The following LRMDA variants were observed in gnomAD, a reference collection of about 807,000 sequenced individuals.
LRMDA encodes the protein leucine rich melanocyte differentiation associated.
LRMDA carries 18 observed loss-of-function variants against 29.8 expected under a neutral mutation model. The ratio of observed to expected loss-of-function variants is 0.60; its 90% CI spans 0.42 to 0.90. The LOEUF (loss-of-function observed/expected upper bound fraction) is 0.90. LRMDA is among the 40% of genes least tolerant of loss of function. LRMDA has a pLI of 0.00. For missense variants in LRMDA, 273 were observed against 273.9 expected (o/e 1.00, Z 0.02); for synonymous variants, 125 against 109.4 (o/e 1.14, Z -0.89).
At chr10:75,636,845 CTT>C (rs879617653) in intron 2 of LRMDA, among the ~76,000 whole-genome samples, 5 of 145,190 alleles carry the variant, frequency 3.4e-5, no homozygotes, top group African/African-American at 1.3e-4. Flanking sequence ...TTGGCAAAGA[CTT>C]TTTTTTTTTT....
intron 2 of LRMDA, chr10:75,783,142 C>T (rs1843414577): frequency 8.2e-7 from 1 of 1,224,778 alleles, no homozygotes; most frequent in Non-Finnish European, 1.2e-6. Context: ...GATTGATCTG[C>T]ATAAATCATT....
intron 5 of LRMDA, among the ~76,000 whole-genome samples, chr10:76,311,282 C>A (rs1840626194): frequency 6.6e-6 from 1 of 152,144 alleles, no homozygotes; most frequent in Non-Finnish European, 1.5e-5. Context: ...TAGAAACTGA[C>A]ATAAAACAAA....
At chr10:76,378,848 C>CTT (rs1369705914) in intron 6 of LRMDA, among the ~76,000 whole-genome samples, 3 of 57,772 alleles carry the variant, frequency 5.2e-5, no homozygotes, top group Admixed American at 1.8e-4. Flanking sequence ...CTCTCTTTTT[C>CTT]TTTTTTTTTC....
intron 2 of LRMDA, among the ~76,000 whole-genome samples, chr10:75,686,956 A>G (rs886319002): frequency 1.6e-4 from 25 of 152,212 alleles, no homozygotes; most frequent in African/African-American, 5.3e-4. Flanking sequence ...TGATGTTCCC[A>G]TTATAATTGT....
chr10:75,486,926 G>A (rs1394295214), intron 2 of LRMDA, among the ~76,000 whole-genome samples: 3 of 152,212 alleles, frequency 2.0e-5, no homozygotes, highest in Non-Finnish European at 4.4e-5. Context: ...CACTTTTACT[G>A]GAGAGCTGAA....
intron 5 of LRMDA, among the ~76,000 whole-genome samples, chr10:76,062,730 T>G (rs758926524): frequency 8.6e-5 from 13 of 151,340 alleles, no homozygotes; most frequent in Non-Finnish European, 1.6e-4. Context: ...AGCTAGGCTT[T>G]GTCATTTCCA....
intron 2 of LRMDA, among the ~76,000 whole-genome samples, chr10:75,495,598 C>T (rs1054648899): frequency 2.6e-5 from 4 of 152,178 alleles, no homozygotes; most frequent in Admixed American, 6.5e-5. Context: ...TAGAAACTTC[C>T]CTCCCCTTCT....
chr10:76,079,875 T>A (rs954276629), intron 5 of LRMDA, among the ~76,000 whole-genome samples: 1 of 152,188 alleles, frequency 6.6e-6, no homozygotes, highest in Non-Finnish European at 1.5e-5. Flanking sequence ...TTTTTAGGTG[T>A]GTTGGTCCTT....
At chr10:76,551,895 C>T (rs1454643656) in intron 6 of LRMDA, among the ~76,000 whole-genome samples, 1 of 152,168 alleles carries the variant, frequency 6.6e-6, no homozygotes, top group Non-Finnish European at 1.5e-5. Flanking sequence ...TCAGGAGGTA[C>T]CTAGTTCCTT....
chr10:75,627,173 A>G (rs1841260912), intron 2 of LRMDA, among the ~76,000 whole-genome samples: 1 of 152,142 alleles, frequency 6.6e-6, no homozygotes, highest in South Asian at 2.1e-4. Context: ...CTTGTATTTT[A>G]TTTTCTATGT....
At chr10:76,039,289 G>A (rs1484653811) in intron 3 of LRMDA, among the ~76,000 whole-genome samples, 1 of 152,196 alleles carries the variant, frequency 6.6e-6, no homozygotes, top group East Asian at 1.9e-4. Flanking sequence ...CTTTATATTT[G>A]TGATAAAGGG....
At chr10:76,129,887 T>A (rs1849955576) in intron 5 of LRMDA, among the ~76,000 whole-genome samples, 1 of 152,194 alleles carries the variant, frequency 6.6e-6, no homozygotes, top group Non-Finnish European at 1.5e-5. Flanking sequence ...AATTCCTAGC[T>A]CTTCTACTCT....
chr10:75,757,169 T>C (rs1843042015), intron 2 of LRMDA, among the ~76,000 whole-genome samples: 1 of 152,182 alleles, frequency 6.6e-6, no homozygotes, highest in Non-Finnish European at 1.5e-5. Context: ...CTTAGCACAA[T>C]AGAAGTTTAT....
chr10:76,290,516 G>T (rs1175669274), intron 5 of LRMDA, among the ~76,000 whole-genome samples: 1 of 149,250 alleles, frequency 6.7e-6, no homozygotes, highest in Admixed American at 6.8e-5. Context: ...TCTGCCTCCT[G>T]GGTTCAGGGG....
chr10:76,126,813 T>G (rs963067808), intron 5 of LRMDA, among the ~76,000 whole-genome samples: 1 of 152,232 alleles, frequency 6.6e-6, no homozygotes, highest in African/African-American at 2.4e-5. Flanking sequence ...GCTGTGGTTA[T>G]GACAGGCTCT....
chr10:76,085,028 G>A (rs1028796215), intron 5 of LRMDA, among the ~76,000 whole-genome samples: 7 of 152,192 alleles, frequency 4.6e-5, no homozygotes, highest in South Asian at 4.1e-4. Context: ...TGCGGGATGG[G>A]ATTCAGAGGG....
rs535684150 is a variant in LRMDA at position 76,457,510 on chromosome 10, T to TG, written c.602-99698dup. ...TAGTGCTATGCTTTTCATGTGTTTG[T>TG]GTTTTTTTTGGTGATTTTGCAGTTT... On this transcript the variant is annotated intron_variant, in intron 6 of 6. Coordinates refer to ENST00000611255, the MANE Select transcript of LRMDA (RefSeq NM_001305581.2). 5.6e-3 allele frequency among the ~76,000 whole-genome samples: 408 copies of TG among 72,942 alleles called. 1 individual carries two copies. Among genetic ancestry groups the TG allele is most frequent in the African/African-American group, 0.014 (390 of 28,144 alleles). The allele number at this position is 72,942 out of a possible 152,430, so 47.9% of individuals were successfully genotyped here.
chr10:75,492,739 G>T (rs1441477057), intron 2 of LRMDA, among the ~76,000 whole-genome samples: 5 of 152,168 alleles, frequency 3.3e-5, no homozygotes, highest in Non-Finnish European at 7.3e-5. Flanking sequence ...GTGGGTTACA[G>T]TTAATGTTAT....
intron 5 of LRMDA, among the ~76,000 whole-genome samples, chr10:76,070,268 G>A (rs1047810952): frequency 2.6e-5 from 4 of 152,170 alleles, no homozygotes; most frequent in Non-Finnish European, 5.9e-5. Flanking sequence ...ATGCTGGGGG[G>A]CAGGTACCTA....
Sources: gnomAD v4.1 joint callset for allele counts (sites outside exome capture counted in the v4.1 genomes callset) on GRCh38, gnomAD v4.1.1 for gene constraint, MANE v1.5 for transcripts, NCBI Gene and HGNC (gene_info 2026-07-23, HGNC 2026-07-21) for gene names.